Variants in SLC35F1 observed in about 807,000 individuals in gnomAD.
SLC35F1 encodes solute carrier family 35 member F1.
In SLC35F1, 14 loss-of-function variants were observed where a neutral mutation model predicts 48.7. The observed-to-expected ratio is 0.29, with a 90% CI of 0.19 to 0.45. The LOEUF is 0.45. Among genes scored for constraint, SLC35F1 ranks in the 20% least tolerant of loss-of-function variants. The pLI, the probability that SLC35F1 is intolerant of heterozygous loss-of-function variation, is 1.00. For missense variants in SLC35F1, 404 were observed against 500.0 expected, an observed-to-expected ratio of 0.81 and a Z score of 1.83; for synonymous variants, 190 against 202.2, an observed-to-expected ratio of 0.94 and a Z score of 0.51.
intron 2 of SLC35F1, among the ~76,000 whole-genome samples, chr6:118,204,453 G>C (rs1178571828): frequency 6.6e-6 from 1 of 152,140 alleles, no homozygotes; most frequent in African/African-American, 2.4e-5. Context: ...ATGTCATCCT[G>C]CCCTGTGATA....
chr6:117,970,234 G>A (rs558844963), intron 1 of SLC35F1, among the ~76,000 whole-genome samples: 1 of 152,258 alleles, frequency 6.6e-6, no homozygotes, highest in East Asian at 1.9e-4. Flanking sequence ...CACCTATAAT[G>A]CTTACTCTTT....
chr6:118,134,926 A>G (rs1773771589), intron 1 of SLC35F1, among the ~76,000 whole-genome samples: 2 of 152,260 alleles, frequency 1.3e-5, no homozygotes, highest in Admixed American at 6.5e-5. Context: ...TAAAGTTTGA[A>G]TGTTTACTTC....
intron 1 of SLC35F1, chr6:117,999,194 G>A: frequency 6.3e-7 from 1 of 1,595,320 alleles, no homozygotes; most frequent in Non-Finnish European, 8.5e-7. Context: ...GGCTATCAAG[G>A]CCCTCGTAAA....
chr6:118,128,146 A>C (rs1773656046), intron 1 of SLC35F1, among the ~76,000 whole-genome samples: 2 of 139,798 alleles, frequency 1.4e-5, no homozygotes, highest in Non-Finnish European at 1.6e-5. Flanking sequence ...GCAATCATTA[A>C]AAAGTCAGGA....
At chr6:118,046,547 G>T (rs1156631747) in intron 1 of SLC35F1, among the ~76,000 whole-genome samples, 1 of 152,114 alleles carries the variant, frequency 6.6e-6, no homozygotes, top group Admixed American at 6.6e-5. Flanking sequence ...GCTTTGAGGT[G>T]AATGTACATA....
rs933172287 is a variant in SLC35F1 at position 117,966,599 on chromosome 6, C to T, written c.173+58700C>T. ...AACTGTAACACTCACCACGAGGGTC[C>T]GTGGCTTCATTCTTGAAGTCAGCGA... On this transcript the variant is annotated intron_variant, in intron 1 of 7. Coordinates refer to ENST00000360388, the MANE Select transcript of SLC35F1 (RefSeq NM_001029858.4). 7.2e-5 allele frequency among the ~76,000 whole-genome samples: 11 copies of T among 152,022 alleles called. No individual in the cohort carries two copies. The East Asian group carries it at 9.7e-4, about 13-fold the overall frequency.
chr6:118,267,314 C>T (rs1485020114), intron 4 of SLC35F1, among the ~76,000 whole-genome samples, 160 bp downstream of exon 4: 4 of 152,222 alleles, frequency 2.6e-5, no homozygotes, highest in African/African-American at 2.4e-5. Flanking sequence ...AAACAGGGCA[C>T]ACAGGAGGTG....
intron 4 of SLC35F1, among the ~76,000 whole-genome samples, chr6:118,271,148 G>T (rs1032320512): frequency 2.0e-5 from 3 of 152,096 alleles, no homozygotes; most frequent in Non-Finnish European, 4.4e-5. Context: ...CAGGTGTCAG[G>T]TACTTTATTA....
At chr6:118,009,969 T>C (rs1777223677) in intron 1 of SLC35F1, among the ~76,000 whole-genome samples, 2 of 152,130 alleles carry the variant, frequency 1.3e-5, no homozygotes, top group African/African-American at 2.4e-5. Context: ...AGTAATGACT[T>C]GGGAATTTAT....
rs756765575 is a variant in SLC35F1 at position 117,907,732 on chromosome 6, C to A, written c.6C>A (p.Ile2=). 27 of 1,523,334 alleles carry A rather than the reference C, an allele frequency of 1.8e-5. 1 individual carries two copies. In the South Asian group the frequency reaches 2.1e-4, roughly 12 times the overall value. The allele number at this position is 1,523,334 out of a possible 1,614,324, so 94.4% of individuals were successfully genotyped here. The change falls in exon 1 of 8, where the codon ATC becomes ATA. Residue 2 remains isoleucine (I), a synonymous_variant. Coordinates refer to ENST00000360388, the MANE Select transcript of SLC35F1 (RefSeq NM_001029858.4). M[I]PPEQPQQQLQ... is the part of the protein sequence containing the mutation. ...GCGCCTCAGCCTCTGCCGCGATGAT[C>A]CCCCCTGAGCAGCCGCAGCAGCAGC...
intron 1 of SLC35F1, among the ~76,000 whole-genome samples, chr6:118,097,445 T>C (rs1029796836): frequency 6.6e-6 from 1 of 152,182 alleles, no homozygotes; most frequent in African/African-American, 2.4e-5. Flanking sequence ...TAAAGGCCTT[T>C]TTCCTCCTTA....
chr6:118,084,890 C>T (rs1428841622), intron 1 of SLC35F1, among the ~76,000 whole-genome samples: 1 of 152,182 alleles, frequency 6.6e-6, no homozygotes. Flanking sequence ...CTTATCACTT[C>T]TGTCCCTGGT....
At chr6:117,926,387 A>T (rs78819835) in intron 1 of SLC35F1, among the ~76,000 whole-genome samples, 1 of 152,146 alleles carries the variant, frequency 6.6e-6, no homozygotes, top group Non-Finnish European at 1.5e-5. Context: ...TCTTTTCTTT[A>T]TAAATTACCC....
chr6:118,288,715 C>T (rs1776081259), intron 7 of SLC35F1, among the ~76,000 whole-genome samples: 1 of 152,142 alleles, frequency 6.6e-6, no homozygotes. Context: ...TGCCCAACTC[C>T]CCCTTCCCAT....
Position 118,314,025 on chromosome 6 carries a change from T to C in SLC35F1, c.1003-3T>C, listed in dbSNP as rs1281904418. Reference sequence around the variant, plus strand: ...AAATGACTTTACTGTTGTGTTTTTTTAGTTTTCAGGACTTTATCTCCTGTC... The same window carrying C: ...AAATGACTTTACTGTTGTGTTTTTTCAGTTTTCAGGACTTTATCTCCTGTC... On this transcript the variant is annotated splice_polypyrimidine_tract_variant and splice_region_variant and intron_variant, in intron 7 of 7. Transcript: ENST00000360388. The C allele has an allele frequency of 3.7e-6, 6 of 1,614,140 alleles. No homozygotes were observed. Among genetic ancestry groups the C allele is most frequent in the Admixed American group, 3.3e-5 (2 of 60,034 alleles).
intron 1 of SLC35F1, among the ~76,000 whole-genome samples, chr6:118,153,254 A>T (rs1361665949): frequency 7.0e-6 from 1 of 143,194 alleles, no homozygotes; most frequent in Non-Finnish European, 1.5e-5. Flanking sequence ...AACTAGAGTG[A>T]TATAGTTAAC....
At chr6:118,033,143 A>C (rs1045999956) in intron 1 of SLC35F1, among the ~76,000 whole-genome samples, 1 of 152,100 alleles carries the variant, frequency 6.6e-6, no homozygotes, top group Non-Finnish European at 1.5e-5. Context: ...AAGTTTTTCT[A>C]TTTCATGAAA....
chr6:118,081,146 C>G (rs1772900709), intron 1 of SLC35F1, among the ~76,000 whole-genome samples: 1 of 152,046 alleles, frequency 6.6e-6, no homozygotes, highest in Non-Finnish European at 1.5e-5. Context: ...CTGTTTGATC[C>G]AGGGTTGTTC....
At chr6:118,182,526 A>AGGAAGGAAGGAAGGAAGGAC (rs1774595533) in intron 2 of SLC35F1, among the ~76,000 whole-genome samples, 1 of 115,204 alleles carries the variant, frequency 8.7e-6, no homozygotes. Flanking sequence ...GAGAGAAGGA[A>AGGAAGGAAGGAAGGAAGGAC]GGAAGGAAGG....
Sources: allele counts gnomAD v4.1 joint callset (sites outside exome capture counted in the v4.1 genomes callset), GRCh38; gene constraint gnomAD v4.1.1; transcripts MANE v1.5; gene names NCBI Gene and HGNC (gene_info 2026-07-23, HGNC 2026-07-21).